RGS6: variants seen among roughly 807,000 people sequenced by gnomAD.
The protein encoded by RGS6 is regulator of G protein signaling 6.
A neutral mutation model predicts 78.5 loss-of-function variants in RGS6; 30 were observed. The ratio of observed to expected loss-of-function variants is 0.38; its 90% confidence interval spans 0.29 to 0.52. RGS6 has a LOEUF of 0.52. Ranked by LOEUF, RGS6 falls within the 20% of genes least tolerant of loss-of-function variation. The pLI, the probability that RGS6 is intolerant of heterozygous loss-of-function variation, is 0.85. For missense variants in RGS6, 495 were observed against 609.7 expected, an observed-to-expected ratio of 0.81 and a Z score of 1.98; for synonymous variants, 206 against 206.0, an observed-to-expected ratio of 1.00 and a Z score of 0.00.
At chr14:72,330,857 A>G (rs2074857269) in intron 2 of RGS6, among the ~76,000 whole-genome samples, 1 of 151,850 alleles carries the variant, frequency 6.6e-6, no homozygotes, top group Non-Finnish European at 1.5e-5. Flanking sequence ...AGACATTTTA[A>G]GTTTTTGGTG....
the RGS6 span, among the ~76,000 whole-genome samples, chr14:71,904,514 CAGAGG>C: frequency 6.6e-6 from 1 of 152,200 alleles, no homozygotes; most frequent in Non-Finnish European, 1.5e-5. Context: ...AGAACTAATA[CAGAGG>C]AAATATAACA....
At position 72,473,127 on chromosome 14, in the gene RGS6, A is replaced by G. The variant is rs576715578; in HGVS notation, c.618+174A>G. ...ATAATCTCAGTAAATTTTCTGGAATATATGTAAGTTCCACCTTTTAAAAAT... is the reference window on the plus strand; with the variant it reads ...ATAATCTCAGTAAATTTTCTGGAATGTATGTAAGTTCCACCTTTTAAAAAT... On this transcript the variant is annotated intron_variant, in intron 9 of 17. Transcript: ENST00000553525. Among the ~76,000 whole-genome samples the G allele has an allele frequency of 3.2e-4, 48 of 152,330 alleles. 1 individual carries two copies. Among genetic ancestry groups the G allele is most frequent in the South Asian group, 1.0e-3 (5 of 4,824 alleles).
At chr14:72,509,136 G>C (rs968135614) in intron 13 of RGS6, among the ~76,000 whole-genome samples, 2 of 151,912 alleles carry the variant, frequency 1.3e-5, no homozygotes, top group Non-Finnish European at 1.5e-5. Flanking sequence ...AGGCTGAGGC[G>C]GGTGGATCAC....
At chr14:71,870,063 C>T in the RGS6 span, among the ~76,000 whole-genome samples, 1 of 152,190 alleles carries the variant, frequency 6.6e-6, no homozygotes, top group African/African-American at 2.4e-5. Flanking sequence ...TGGACTAAGA[C>T]AGTAGTTTCC....
rs143709427 is a variant in RGS6 at position 71,992,180 on chromosome 14, G to A, written c.84+27305G>A. ...TGAATAGCTGGGACTATAGGCCTGC[G>A]CCGCCATGCTTGGCTAATTTTTTTG... On this transcript the variant is annotated intron_variant, in intron 2 of 17. Transcript: ENST00000553525. 8.1e-4 allele frequency among the ~76,000 whole-genome samples: 123 copies of A among 152,174 alleles called. 1 individual carries two copies. The East Asian group carries it at 0.022, about 27-fold the overall frequency.
chr14:72,289,473 G>A (rs1018286585), intron 2 of RGS6, among the ~76,000 whole-genome samples: 2 of 151,964 alleles, frequency 1.3e-5, no homozygotes, highest in Non-Finnish European at 2.9e-5. Context: ...CGAAAGCCAC[G>A]CTGCTTCCTG....
At chr14:72,229,112 G>A (rs1169978942) in intron 2 of RGS6, among the ~76,000 whole-genome samples, 1 of 152,194 alleles carries the variant, frequency 6.6e-6, no homozygotes, top group Non-Finnish European at 1.5e-5. Context: ...ACAACACAAA[G>A]AGATTCCACT....
intron 2 of RGS6, among the ~76,000 whole-genome samples, chr14:72,296,658 T>A (rs1017859048): frequency 6.6e-6 from 1 of 152,184 alleles, no homozygotes; most frequent in Non-Finnish European, 1.5e-5. Flanking sequence ...TTTAAAAAAT[T>A]GTGTTGTCTT....
intron 2 of RGS6, among the ~76,000 whole-genome samples, chr14:72,222,374 T>A (rs1212802539): frequency 1.3e-5 from 2 of 152,220 alleles, no homozygotes. Flanking sequence ...CCCTTGAAAC[T>A]GTTGTAGATG....
intron 1 of RGS6, among the ~76,000 whole-genome samples, chr14:71,963,934 T>A (rs912115683): frequency 6.6e-6 from 1 of 152,186 alleles, no homozygotes. Flanking sequence ...GAGGAAACAC[T>A]AAGCTGTTTT....
chr14:72,066,965 T>A (rs1022439209), intron 2 of RGS6, among the ~76,000 whole-genome samples: 26 of 152,152 alleles, frequency 1.7e-4, no homozygotes, highest in African/African-American at 5.3e-4. Context: ...TCCAGCTTCA[T>A]CCATGTCCCT....
At chr14:72,180,745 T>C (rs2097163248) in intron 2 of RGS6, among the ~76,000 whole-genome samples, 1 of 152,200 alleles carries the variant, frequency 6.6e-6, no homozygotes, top group Admixed American at 6.5e-5. Context: ...ATTGAATCGA[T>C]GCTGTTATCA....
chr14:71,963,675 G>A (rs1303867622), intron 1 of RGS6, among the ~76,000 whole-genome samples: 1 of 152,148 alleles, frequency 6.6e-6, no homozygotes, highest in African/African-American at 2.4e-5. Flanking sequence ...GTTCATCCAC[G>A]TTGTAGTGTG....
intron 2 of RGS6, among the ~76,000 whole-genome samples, chr14:72,216,473 G>A (rs1336896170): frequency 6.6e-6 from 1 of 152,186 alleles, no homozygotes; most frequent in Non-Finnish European, 1.5e-5. Flanking sequence ...TTGTTACTAA[G>A]AGGACAGAGG....
intron 14 of RGS6, among the ~76,000 whole-genome samples, chr14:72,510,528 A>G (rs1221395002): frequency 6.6e-6 from 1 of 152,382 alleles, no homozygotes; most frequent in East Asian, 1.9e-4. Context: ...CTAATTGGAA[A>G]TAAGTCTTCA....
chr14:72,196,207 T>C (rs2040096219), intron 2 of RGS6, among the ~76,000 whole-genome samples: 1 of 152,086 alleles, frequency 6.6e-6, no homozygotes, highest in Non-Finnish European at 1.5e-5. Flanking sequence ...GAGAGGAACA[T>C]TGAAGACCAC....
At chr14:72,557,769 C>T (rs1393663511) in intron 17 of RGS6, among the ~76,000 whole-genome samples, 1 of 152,160 alleles carries the variant, frequency 6.6e-6, no homozygotes, top group East Asian at 1.9e-4. Flanking sequence ...GTGTGTCACA[C>T]CAAAGGGATC....
At chr14:71,974,354 C>G (rs981972420) in intron 2 of RGS6, among the ~76,000 whole-genome samples, 1 of 152,124 alleles carries the variant, frequency 6.6e-6, no homozygotes, top group Non-Finnish European at 1.5e-5. Flanking sequence ...ATTCTCTGTT[C>G]TAAAAACTTA....
At chr14:72,142,592 A>G (rs2096555574) in intron 2 of RGS6, among the ~76,000 whole-genome samples, 1 of 152,142 alleles carries the variant, frequency 6.6e-6, no homozygotes, top group South Asian at 2.1e-4. Flanking sequence ...GGGAAGAGGG[A>G]TTCTTTTATC....
Sources: allele counts gnomAD v4.1 joint callset (sites outside exome capture counted in the v4.1 genomes callset), GRCh38; gene constraint gnomAD v4.1.1; transcripts MANE v1.5; gene names NCBI Gene and HGNC (gene_info 2026-07-23, HGNC 2026-07-21).